Variants in FAM20C observed in about 807,000 individuals in gnomAD.
FAM20C encodes FAM20C golgi associated secretory pathway kinase, also known as extracellular serine/threonine protein kinase FAM20C.
FAM20C carries 40 observed loss-of-function variants against 51.5 expected under a neutral mutation model. The ratio of observed to expected loss-of-function variants is 0.78; its 90% CI spans 0.60 to 1.01. The LOEUF (loss-of-function observed/expected upper bound fraction) is 1.01, where lower values mean the gene tolerates loss of function less well. FAM20C is among the 50% of genes least tolerant of loss of function. The probability of loss-of-function intolerance (pLI) is 0.00; values close to 1 mark genes in which losing one functional copy is unlikely to be tolerated. For missense variants in FAM20C, 861 were observed against 844.7 expected (o/e 1.02, Z -0.24); for synonymous variants, 406 against 380.6 (o/e 1.07, Z -0.78).
chr7:194,573 T>A (rs1040289681), intron 1 of FAM20C, among the ~76,000 whole-genome samples: 3 of 152,120 alleles, frequency 2.0e-5, no homozygotes, highest in African/African-American at 7.2e-5. Flanking sequence ...TGGTTGAAAG[T>A]CCCTTCTTCC....
At chr7:215,072 G>A (rs981571796) in intron 3 of FAM20C, among the ~76,000 whole-genome samples, 6 of 151,988 alleles carry the variant, frequency 3.9e-5, no homozygotes, top group African/African-American at 7.3e-5. Flanking sequence ...TATGCTCCAC[G>A]GGAGACAGGC....
chr7:232,443 A>T (rs1262976419), intron 3 of FAM20C, among the ~76,000 whole-genome samples: 1 of 152,172 alleles, frequency 6.6e-6, no homozygotes. Context: ...CACTGCCTGC[A>T]CTGGCCATCT....
chr7:192,571 G>A lies in FAM20C; in HGVS notation c.-629G>A, dbSNP rs1176928703. Among the ~76,000 whole-genome samples, 2 of 151,250 alleles carry A rather than the reference G, an allele frequency of 1.3e-5. No homozygotes were observed. The highest frequency in any genetic ancestry group is 4.8e-5 in the African/African-American group (2 of 41,422). ...CTGCCCGCCCGGGACGCGGGGCGCC[G>A]AGAGGCTCGGCCAGGCGGGAGCTGC... On this transcript the variant is annotated 5_prime_UTR_variant, in exon 1 of 10. Coordinates refer to ENST00000313766, the MANE Select transcript of FAM20C (RefSeq NM_020223.4).
At chr7:256,266 C>G in intron 6 of FAM20C, 1 of 603,420 alleles carries the variant, frequency 1.7e-6, no homozygotes, top group Non-Finnish European at 2.9e-6. Context: ...CCAGGTCCCT[C>G]GAATCGGGGC....
At chr7:227,297 G>A (rs960189963) in intron 3 of FAM20C, among the ~76,000 whole-genome samples, 1 of 151,926 alleles carries the variant, frequency 6.6e-6, no homozygotes, top group African/African-American at 2.4e-5. Context: ...CATTTTCCTC[G>A]TACTGGGGAC....
intron 2 of FAM20C, among the ~76,000 whole-genome samples, chr7:202,617 A>C (rs112726051): frequency 1.3e-3 from 118 of 88,494 alleles, no homozygotes; most frequent in African/African-American, 2.2e-3. Context: ...GATATCTTCC[A>C]GTGTGCATAG....
At chr7:231,809 G>C (rs537344836) in intron 3 of FAM20C, among the ~76,000 whole-genome samples, 1 of 152,272 alleles carries the variant, frequency 6.6e-6, no homozygotes, top group African/African-American at 2.4e-5. Context: ...TTGGGAGGTG[G>C]TGGTTTTCCA....
chr7:258,534 CT>C (rs1788741056), intron 8 of FAM20C, 111 bp from the exon 9 acceptor site: 3 of 1,097,698 alleles, frequency 2.7e-6, no homozygotes, highest in Non-Finnish European at 4.0e-6. Context: ...GGTGGACCCA[CT>C]GCCTGGGGTG....
Position 216,993 on chromosome 7 carries a change from G to A in FAM20C, c.863+8017G>A, listed in dbSNP as rs544992489. On this transcript the variant is annotated intron_variant, in intron 3 of 9. Transcript: ENST00000313766. ...ACCCTGAACGGCCTCATCCCAAGCA[G>A]CATCGTACTGGCGTGAAGAGGCCCT... is the stretch of plus-strand genomic sequence containing the variant. Among the ~76,000 whole-genome samples, 15 of 152,228 alleles carry A rather than the reference G, an allele frequency of 9.9e-5. 1 individual carries two copies. The South Asian group carries it at 3.1e-3, about 32-fold the overall frequency.
chr7:257,795 TGGGCTGGGTGG>T (rs1562400859), intron 8 of FAM20C, among the ~76,000 whole-genome samples: 3,089 of 119,454 alleles, frequency 0.026, 26 homozygotes, highest in Middle Eastern at 0.063. Context: ...GTGCTGGAGA[TGGGCTGGGTGG>T]ACCCACTGCC....
At chr7:251,012 G>T (rs763992486) in intron 5 of FAM20C, among the ~76,000 whole-genome samples, 2 of 152,342 alleles carry the variant, frequency 1.3e-5, no homozygotes, top group East Asian at 1.9e-4. Context: ...GCAGGGAGGG[G>T]TCAATGATGC....
chr7:193,677 C>G lies in FAM20C; in HGVS notation c.478C>G (p.Leu160Val), dbSNP rs1345005390. Residue 160 changes from leucine to valine, a missense_variant, in exon 1 of 10, where the codon CTC (leucine) becomes GTC (valine). Around this residue, in one of 3 missense-constraint regions of FAM20C, gnomAD observed 561 missense variants for 499.8 expected, o/e 1.12. Transcript: ENST00000313766. ...SPPGPGGDAS[L>V]LARLFEHPLY... Reference sequence around the variant, plus strand: ...CCCCGGCCCCGGCGGAGACGCCTCCCTCCTGGCCAGGCTGTTCGAGCACCC... The same window carrying G: ...CCCCGGCCCCGGCGGAGACGCCTCCGTCCTGGCCAGGCTGTTCGAGCACCC... 1 of 1,543,910 alleles carries G rather than the reference C, an allele frequency of 6.5e-7. No homozygotes were observed. The highest frequency in any genetic ancestry group is 1.2e-5 in the South Asian group (1 of 83,578).
chr7:258,484 G>GC (rs1439874773), intron 8 of FAM20C, among the ~76,000 whole-genome samples, 162 bp from the exon 9 acceptor site: 25 of 131,074 alleles, frequency 1.9e-4, no homozygotes, highest in African/African-American at 7.5e-4. Context: ...CTGGAGATGG[G>GC]TGGGATGGAC....
chr7:259,461 T>C (rs1423652589), intron 9 of FAM20C, among the ~76,000 whole-genome samples: 3 of 149,878 alleles, frequency 2.0e-5, no homozygotes, highest in African/African-American at 2.4e-5. Flanking sequence ...TCTCTGTCTC[T>C]CTCTCTGTCT....
intron 2 of FAM20C, among the ~76,000 whole-genome samples, chr7:205,371 C>T (rs1355156223): frequency 1.3e-5 from 1 of 79,730 alleles, no homozygotes; most frequent in African/African-American, 3.6e-5. Context: ...CTCTGAGTAG[C>T]TGGGACCACG....
At chr7:251,171 G>A (rs560334073) in intron 5 of FAM20C, among the ~76,000 whole-genome samples, 94 of 149,298 alleles carry the variant, frequency 6.3e-4, no homozygotes, top group African/African-American at 2.1e-3. Context: ...GGCGGCTCAC[G>A]CCTGCACTGA....
At position 259,996 on chromosome 7, in the gene FAM20C, G is replaced by A. The variant is rs1296821374; in HGVS notation, c.*16G>A. ...GGCGAGGTAGTGTCCGCCGGCCGCT[G>A]CGCTGCCCGGGACGGAGACAGAGGC... On this transcript the variant is annotated 3_prime_UTR_variant, in exon 10 of 10. Transcript: ENST00000313766. 1 of 1,498,836 alleles carries A rather than the reference G, an allele frequency of 6.7e-7. No homozygotes were observed. Among genetic ancestry groups the A allele is most frequent in the African/African-American group, 1.4e-5 (1 of 72,456 alleles). 92.8% of individuals were successfully genotyped at this position (1,498,836 alleles called of 1,614,324 possible).
At chr7:211,087 T>C (rs1786684702) in intron 3 of FAM20C, among the ~76,000 whole-genome samples, 1 of 151,394 alleles carries the variant, frequency 6.6e-6, no homozygotes, top group South Asian at 2.1e-4. Context: ...AAGCCCAGGG[T>C]GCGCGACCTA....
At chr7:250,964 G>A (rs745414625) in intron 5 of FAM20C, among the ~76,000 whole-genome samples, 1 of 152,222 alleles carries the variant, frequency 6.6e-6, no homozygotes, top group African/African-American at 2.4e-5. Flanking sequence ...CCAAGCTCTC[G>A]GTTCAGGACC....
Sources: allele counts gnomAD v4.1 joint callset (sites outside exome capture counted in the v4.1 genomes callset), GRCh38; gene constraint gnomAD v4.1.1; regional missense constraint gnomAD v4.1.1; transcripts MANE v1.5; gene names NCBI Gene and HGNC (gene_info 2026-07-23, HGNC 2026-07-21).